The following COXFA4 variants were observed in gnomAD, a reference collection of about 807,000 sequenced individuals.
COXFA4 encodes cytochrome c oxidase subunit FA4.
the COXFA4 span, chr7:10,933,634 A>T: frequency 6.2e-7 from 1 of 1,608,184 alleles, no homozygotes; most frequent in East Asian, 2.2e-5. Flanking sequence ...GAAACATTTC[A>T]TTTAGAAATC....
the COXFA4 span, chr7:10,933,776 T>A: frequency 1.0e-6 from 1 of 978,688 alleles, no homozygotes; most frequent in Non-Finnish European, 1.6e-6. Flanking sequence ...GTATTTGGTT[T>A]TCTACAGTAA....
chr7:10,938,720 C>T, the COXFA4 span: 4 of 893,508 alleles, frequency 4.5e-6, no homozygotes, highest in South Asian at 5.4e-5. Flanking sequence ...ATTCTTTCTA[C>T]TACCCTAATG....
chr7:10,938,021 A>C, the COXFA4 span: 1 of 1,355,816 alleles, frequency 7.4e-7, no homozygotes, highest in Non-Finnish European at 1.1e-6. Flanking sequence ...AGTTTCAAGA[A>C]AACCCACCCC....
chr7:10,939,664 G>T, the COXFA4 span: 1 of 355,976 alleles, frequency 2.8e-6, no homozygotes, highest in Non-Finnish European at 5.4e-6. Flanking sequence ...TAGGGAACCT[G>T]ACCTATGCTA....
chr7:10,937,002 C>T, the COXFA4 span, among the ~76,000 whole-genome samples: 1 of 152,186 alleles, frequency 6.6e-6, no homozygotes, highest in South Asian at 2.1e-4. Flanking sequence ...TGGCACTGCA[C>T]TCCAGCCTGG....
the COXFA4 span, chr7:10,933,731 TAC>T: frequency 6.8e-7 from 1 of 1,473,080 alleles, no homozygotes; most frequent in Non-Finnish European, 9.5e-7. Context: ...TAATCTCAAA[TAC>T]ACAGAGACGG....
At chr7:10,933,650 G>C in the COXFA4 span, 9 of 1,610,478 alleles carry the variant, frequency 5.6e-6, 1 homozygote, top group South Asian at 2.2e-5. Context: ...AAATCTGGAC[G>C]TTCCTTCTTC....
the COXFA4 span, chr7:10,933,075 T>G: frequency 5.2e-5 from 8 of 154,168 alleles, no homozygotes; most frequent in Admixed American, 4.5e-4. Flanking sequence ...ACTGATAAAC[T>G]CAGATTTCAA....
chr7:10,937,030 T>C, the COXFA4 span, among the ~76,000 whole-genome samples: 1 of 152,054 alleles, frequency 6.6e-6, no homozygotes, highest in East Asian at 1.9e-4. Context: ...AGTGAGACTC[T>C]GTCTCCAACA....
chr7:10,940,133 A>G, the COXFA4 span: 6 of 1,426,848 alleles, frequency 4.2e-6, no homozygotes, highest in South Asian at 2.3e-5. Flanking sequence ...AATTATCTGC[A>G]ATGAGACACT....
the COXFA4 span, among the ~76,000 whole-genome samples, chr7:10,933,857 A>G: frequency 6.6e-6 from 1 of 152,224 alleles, no homozygotes; most frequent in Non-Finnish European, 1.5e-5. Context: ...TACTGTACCT[A>G]AAATTCCAGC....
chr7:10,938,637 T>G, the COXFA4 span: 1 of 579,374 alleles, frequency 1.7e-6, no homozygotes, highest in South Asian at 2.1e-5. Flanking sequence ...ATTAGATAAT[T>G]TCATGAACCA....
At chr7:10,938,445 A>C in the COXFA4 span, 1 of 443,348 alleles carries the variant, frequency 2.3e-6, no homozygotes, top group East Asian at 3.8e-5. Flanking sequence ...ATGATGAATC[A>C]ATCTTTTGAT....
chr7:10,939,864 G>A, the COXFA4 span: 7 of 881,304 alleles, frequency 7.9e-6, no homozygotes, highest in South Asian at 9.3e-5. Context: ...AGAGGCCTGG[G>A]ACAACTAAGA....
chr7:10,939,069 G>A, the COXFA4 span: 14 of 555,480 alleles, frequency 2.5e-5, no homozygotes, highest in Non-Finnish European at 4.2e-5. Context: ...TCTTATAACT[G>A]TGTTCTAAAG....
chr7:10,939,677 C>G, the COXFA4 span: 503 of 392,558 alleles, frequency 1.3e-3, no homozygotes, highest in Non-Finnish European at 1.8e-3. Flanking sequence ...CTATGCTAGT[C>G]TCTGACCCAC....
At chr7:10,937,085 T>C in the COXFA4 span, among the ~76,000 whole-genome samples, 1 of 152,042 alleles carries the variant, frequency 6.6e-6, no homozygotes. Context: ...CCATCATAGA[T>C]GTACACCTGT....
the COXFA4 span, chr7:10,939,739 C>G: frequency 3.9e-6 from 2 of 506,598 alleles, no homozygotes. Flanking sequence ...AGAGAGCGGC[C>G]ACCAGACTGT....
the COXFA4 span, chr7:10,939,240 G>A: frequency 3.4e-5 from 8 of 231,956 alleles, no homozygotes; most frequent in African/African-American, 1.6e-4. Context: ...TAAATTTTCT[G>A]GCTTCCTTTA....
Sources: allele counts gnomAD v4.1 joint callset (sites outside exome capture counted in the v4.1 genomes callset), GRCh38; gene constraint gnomAD v4.1.1; transcripts MANE v1.5; gene names NCBI Gene and HGNC (gene_info 2026-07-23, HGNC 2026-07-21).